CTNNA3: variants seen among roughly 807,000 people sequenced by gnomAD.
The protein encoded by CTNNA3 is catenin alpha-3.
Under a neutral mutation model 95.7 loss-of-function variants are expected in CTNNA3, and 76 were observed. The ratio of observed to expected loss-of-function variants is 0.79; its 90% CI spans 0.66 to 0.96. CTNNA3 has a LOEUF of 0.96. CTNNA3 is among the 40% of genes least tolerant of loss of function. The pLI, the probability that CTNNA3 is intolerant of heterozygous loss-of-function variation, is 0.00. For synonymous variants in CTNNA3, 431 were observed against 374.4 expected (o/e 1.15, Z -1.74); for missense variants, 1,191 against 1,089.8 (o/e 1.09, Z -1.31).
At position 65,920,130 on chromosome 10, in the gene CTNNA3, T is replaced by C. The variant is rs2077059082; in HGVS notation, c.*200A>G. ...TCAACAAGCAAATATTCCTTAACTA[T>C]TAGGTGCTGACCATACAGAAATGAC... On this transcript the variant is annotated 3_prime_UTR_variant, in exon 18 of 18. Coordinates refer to ENST00000433211, the MANE Select transcript of CTNNA3 (RefSeq NM_013266.4). 1 of 577,734 alleles carries C rather than the reference T, an allele frequency of 1.7e-6. No individual in the cohort carries two copies. Among genetic ancestry groups the C allele is most frequent in the Admixed American group, 3.2e-5 (1 of 31,186 alleles). The allele number at this position is 577,734 out of a possible 1,614,324, so 35.8% of individuals were successfully genotyped here.
At chr10:67,403,805 A>T (rs1845022137) in intron 5 of CTNNA3, among the ~76,000 whole-genome samples, 1 of 152,218 alleles carries the variant, frequency 6.6e-6, no homozygotes, top group South Asian at 2.1e-4. Context: ...CTATGGGTGC[A>T]TTCAGGCTGG....
chr10:66,921,472 T>A (rs1846782286), intron 7 of CTNNA3, among the ~76,000 whole-genome samples: 1 of 152,210 alleles, frequency 6.6e-6, no homozygotes. Context: ...TCTTAGAATG[T>A]CATCCAAAGC....
intron 9 of CTNNA3, among the ~76,000 whole-genome samples, chr10:66,764,425 T>C (rs917808213): frequency 1.2e-4 from 19 of 152,204 alleles, no homozygotes; most frequent in Admixed American, 3.3e-4. Context: ...TTAAACTAAA[T>C]TAAAGAGGTC....
At chr10:67,527,302 T>C (rs1840174833) in intron 4 of CTNNA3, among the ~76,000 whole-genome samples, 1 of 152,016 alleles carries the variant, frequency 6.6e-6, no homozygotes, top group South Asian at 2.1e-4. Flanking sequence ...ATGGGCAATG[T>C]CCCCAAAGAA....
At chr10:66,862,373 T>C (rs111957626) in intron 7 of CTNNA3, among the ~76,000 whole-genome samples, 241 of 152,284 alleles carry the variant, frequency 1.6e-3, no homozygotes, top group African/African-American at 5.6e-3. Flanking sequence ...ATCAGTGATG[T>C]TAAGTGAGGA....
At chr10:66,865,074 CA>C (rs1471616264) in intron 7 of CTNNA3, among the ~76,000 whole-genome samples, 2 of 151,638 alleles carry the variant, frequency 1.3e-5, no homozygotes, top group African/African-American at 4.8e-5. Flanking sequence ...GGGATGACAC[CA>C]AAAAAATCAT....
At chr10:67,750,325 C>G in intron 1 of CTNNA3, 1 of 1,524,310 alleles carries the variant, frequency 6.6e-7, no homozygotes, top group Non-Finnish European at 9.1e-7. Flanking sequence ...CCAAGATGCC[C>G]ATTGTGGGCC....
intron 5 of CTNNA3, among the ~76,000 whole-genome samples, chr10:67,510,857 T>A (rs1199376407): frequency 2.6e-5 from 4 of 152,210 alleles, no homozygotes; most frequent in Non-Finnish European, 5.9e-5. Context: ...GTTTGTGTCC[T>A]CTTATTTCCT....
rs144335036 is a variant in CTNNA3, at chr10:66,888,798, A to T, written c.1048-113274T>A. Among the ~76,000 whole-genome samples the T allele has an allele frequency of 9.8e-5, 15 of 152,312 alleles. No individual in the cohort carries two copies. The East Asian group carries it at 2.9e-3, about 29-fold the overall frequency. ...ATACAAAATGGTACAGCCACTTTGGAGAACAGTTTGACACTTTAACGAAAT... is the reference window on the plus strand; with the variant it reads ...ATACAAAATGGTACAGCCACTTTGGTGAACAGTTTGACACTTTAACGAAAT... On this transcript the variant is annotated intron_variant, in intron 7 of 17. Transcript: ENST00000433211.
intron 5 of CTNNA3, among the ~76,000 whole-genome samples, chr10:67,439,085 C>A (rs527242753): frequency 9.2e-5 from 14 of 152,206 alleles, no homozygotes; most frequent in African/African-American, 3.4e-4. Flanking sequence ...GTTTTTTCTA[C>A]TCCTCCCACA....
At chr10:66,899,623 C>T (rs112257400) in intron 7 of CTNNA3, among the ~76,000 whole-genome samples, 12 of 152,018 alleles carry the variant, frequency 7.9e-5, no homozygotes, top group African/African-American at 2.9e-4. Context: ...CAGACTGTAC[C>T]GGGAAAAACG....
At chr10:66,791,985 T>C (rs1019630628) in intron 7 of CTNNA3, among the ~76,000 whole-genome samples, 1 of 152,172 alleles carries the variant, frequency 6.6e-6, no homozygotes, top group Non-Finnish European at 1.5e-5. Context: ...AAACACCACT[T>C]CTATAGAACT....
chr10:67,166,210 G>A (rs1159666480), intron 7 of CTNNA3, among the ~76,000 whole-genome samples: 2 of 152,104 alleles, frequency 1.3e-5, no homozygotes, highest in East Asian at 3.8e-4. Flanking sequence ...TGATCATAAC[G>A]CACATTTTAG....
chr10:66,098,572 G>T (rs1202624629), intron 14 of CTNNA3: 1 of 152,086 alleles, frequency 6.6e-6, no homozygotes, highest in Non-Finnish European at 1.5e-5. Flanking sequence ...ATTTTAGGAA[G>T]CTTTTAGGAC....
chr10:66,060,149 A>G (rs2080165340), intron 15 of CTNNA3, among the ~76,000 whole-genome samples: 1 of 152,054 alleles, frequency 6.6e-6, no homozygotes, highest in African/African-American at 2.4e-5. Flanking sequence ...TGCTCACATC[A>G]GGGAAGGAAT....
intron 7 of CTNNA3, among the ~76,000 whole-genome samples, chr10:66,890,160 C>G (rs1845211238): frequency 6.6e-6 from 1 of 152,004 alleles, no homozygotes; most frequent in South Asian, 2.1e-4. Context: ...TTTGAAACAA[C>G]CTTTAGACAT....
At chr10:66,709,625 T>C (rs1046083548) in intron 9 of CTNNA3, among the ~76,000 whole-genome samples, 5 of 152,144 alleles carry the variant, frequency 3.3e-5, no homozygotes, top group African/African-American at 1.2e-4. Context: ...CACTCACTTA[T>C]ATTGATTACA....
intron 11 of CTNNA3, among the ~76,000 whole-genome samples, chr10:66,404,981 G>C (rs2093046566): frequency 6.6e-6 from 1 of 152,190 alleles, no homozygotes; most frequent in African/African-American, 2.4e-5. Flanking sequence ...GCCAGGGCGA[G>C]TTTGGTGGAA....
chr10:67,044,349 A>G (rs1854595227), intron 7 of CTNNA3, among the ~76,000 whole-genome samples: 1 of 152,212 alleles, frequency 6.6e-6, no homozygotes, highest in Non-Finnish European at 1.5e-5. Context: ...TTTATTTCTC[A>G]TAGGATTTTA....
Sources: allele counts gnomAD v4.1 joint callset (sites outside exome capture counted in the v4.1 genomes callset), GRCh38; gene constraint gnomAD v4.1.1; transcripts MANE v1.5; gene names NCBI Gene and HGNC (gene_info 2026-07-23, HGNC 2026-07-21).